Variants in ARFGAP1 observed in about 807,000 individuals in gnomAD.
ARFGAP1 encodes ADP-ribosylation factor GTPase-activating protein 1.
ARFGAP1 carries 26 observed loss-of-function variants against 54.0 expected under a neutral mutation model. The ratio of observed to expected loss-of-function variants is 0.48; its 90% confidence interval spans 0.35 to 0.67. The LOEUF (loss-of-function observed/expected upper bound fraction) is 0.67. ARFGAP1 is among the 30% of genes least tolerant of loss of function. The pLI is 0.00. For synonymous variants in ARFGAP1, 248 were observed against 211.9 expected (o/e 1.17, Z -1.48); for missense variants, 525 against 535.8 (o/e 0.98, Z 0.20).
rs759967442 is a variant in ARFGAP1 at position 63,277,277 on chromosome 20, C to A, written c.415C>A (p.Pro139Thr). The change falls in exon 5 of 13, where the codon CCC becomes ACC. Residue 139 changes from proline (P) to threonine (T), a missense_variant. Transcript: ENST00000370283. ...SPAQNWTPPQPRTLPSMVHRV... is the reference protein window; with the variant it reads ...SPAQNWTPPQTRTLPSMVHRV... The stretch of plus-strand genomic sequence containing the variant: ...TGCCCAGAACTGGACCCCACCTCAG[C>A]CCAGGACGCTGCCGTCCATGGTGCA... 6.2e-6 allele frequency: 10 copies of A among 1,612,914 alleles called. No individual in the cohort carries two copies. Among genetic ancestry groups the A allele is most frequent in the Non-Finnish European group, 5.9e-6 (7 of 1,179,930 alleles).
In ARFGAP1 at chr20:63,276,871, G is replaced by C. The variant is rs1192646618; in HGVS notation, c.342+220G>C. 3.5e-6 allele frequency: 2 copies of C among 574,382 alleles called. No homozygotes were observed. Among genetic ancestry groups the C allele is most frequent in the Admixed American group, 6.3e-5 (2 of 31,580 alleles). The allele number at this position is 574,382 out of a possible 1,614,324, so 35.6% of individuals were successfully genotyped here. On this transcript the variant is annotated intron_variant, in intron 4 of 12. Transcript: ENST00000370283. The surrounding 1 kb of genome is among the most constrained non-coding windows in gnomAD (Gnocchi z 5.2). ...AGACAGACCTTCCCCGCCTCCAGGG[G>C]AGAAAGCAGCTGTGACCGTTTATTG... is the stretch of plus-strand genomic sequence containing the variant.
chr20:63,284,600 ATGG>A, intron 9 of ARFGAP1: 3 of 1,324,532 alleles, frequency 2.3e-6, no homozygotes, highest in Non-Finnish European at 2.9e-6. Flanking sequence ...GCAGGGCCGC[ATGG>A]TGGCGCGTGA....
chr20:63,275,220 A>G (rs2067203314), intron 1 of ARFGAP1, among the ~76,000 whole-genome samples: 1 of 152,170 alleles, frequency 6.6e-6, no homozygotes, highest in Non-Finnish European at 1.5e-5. Context: ...ATCTGTGTGT[A>G]TTTTTAAAGA....
intron 11 of ARFGAP1, chr20:63,286,111 C>G (rs777424534): frequency 2.6e-6 from 4 of 1,550,146 alleles, no homozygotes; most frequent in African/African-American, 1.4e-5. Flanking sequence ...CGCTCCTCCC[C>G]CCCAAGCATG....
At chr20:63,283,657 C>T (rs186439685) in intron 9 of ARFGAP1, 50 of 559,548 alleles carry the variant, frequency 8.9e-5, no homozygotes, top group African/African-American at 1.5e-4. Flanking sequence ...GAGGTGCAGT[C>T]GCTCGCGCAG....
At position 63,276,318 on chromosome 20, in the gene ARFGAP1, G is replaced by A; in HGVS notation, c.170+118G>A. The A allele has an allele frequency of 1.4e-6, 2 of 1,382,646 alleles. No homozygotes were observed. Among genetic ancestry groups the A allele is most frequent in the Non-Finnish European group, 1.0e-6 (1 of 990,148 alleles). 85.6% of individuals were successfully genotyped at this position (1,382,646 alleles called of 1,614,324 possible). A position where few individuals can be genotyped will look rare whatever the true frequency, so the allele number is the denominator to read the frequency against. The stretch of plus-strand genomic sequence containing the variant: ...GGGGCCACCTCCCATTGCATTGCCA[G>A]TGTCCACTCTAGTGACGCCATGGCA... On this transcript the variant is annotated intron_variant, in intron 3 of 12. Transcript: ENST00000370283. This position sits in a 1 kb window ranked among gnomAD's most constrained non-coding sequence, Gnocchi z 5.2.
rs2123317281 is a variant in ARFGAP1, at chr20:63,286,407, CT to C, written c.883del (p.Ser295ArgfsTer30). 6.2e-7 allele frequency: 1 copy of C among 1,613,476 alleles called. No homozygotes were observed. The highest frequency in any genetic ancestry group is 8.5e-7 in the Non-Finnish European group (1 of 1,179,960). On this transcript the variant is annotated frameshift_variant, in exon 12 of 13. Transcript: ENST00000370283. LOFTEE classifies it low-confidence loss of function (END_TRUNC). ...GSKGWRDVTT[F>X]FSGKAEGPLD... ...GTAAGGGATGGCGGGACGTCACCACCTTTTTTTCGGGGAAAGCAGAGGGCCC... is the reference window on the plus strand; with the variant it reads ...GTAAGGGATGGCGGGACGTCACCACCTTTTTTCGGGGAAAGCAGAGGGCCC...
chr20:63,286,172 C>G (rs904861368), intron 11 of ARFGAP1, 194 bp from the exon 12 acceptor site: 2 of 1,549,976 alleles, frequency 1.3e-6, no homozygotes, highest in East Asian at 2.4e-5. Context: ...CTGCCATGTC[C>G]CGCACACACC....
chr20:63,282,690 C>G, intron 8 of ARFGAP1, 129 bp from the exon 9 acceptor site: 1 of 873,618 alleles, frequency 1.1e-6, no homozygotes, highest in Non-Finnish European at 1.9e-6. Flanking sequence ...TTATAGGGCC[C>G]GCCCAGAGCC....
At position 63,287,522 on chromosome 20, in the gene ARFGAP1, G is replaced by C. The variant is rs753986719; in HGVS notation, c.912-42G>C. 14 of 1,527,978 alleles carry C rather than the reference G, an allele frequency of 9.2e-6. No individual in the cohort carries two copies. The African/African-American group carries it at 1.8e-4, about 20-fold the overall frequency. The allele number at this position is 1,527,978 out of a possible 1,614,324, so 94.7% of individuals were successfully genotyped here. On this transcript the variant is annotated intron_variant, in intron 12 of 12. Coordinates refer to ENST00000370283, the MANE Select transcript of ARFGAP1 (RefSeq NM_018209.4). ...GGCACAGAATTCCCAGTGGTGGACT[G>C]AGTAACAGTCATTTAGAGTCCCCCT...
Position 63,284,123 on chromosome 20 carries a change from A to AC in ARFGAP1, c.718-738dup, listed in dbSNP as rs1486762792. 3.0e-6 allele frequency: 4 copies of AC among 1,316,232 alleles called. No individual in the cohort carries two copies. The African/African-American group carries it at 4.6e-5, about 15-fold the overall frequency. 81.5% of individuals were successfully genotyped at this position (1,316,232 alleles called of 1,614,324 possible). A position where few individuals can be genotyped will look rare whatever the true frequency, so the allele number is the denominator to read the frequency against. On this transcript the variant is annotated intron_variant, in intron 9 of 12. Transcript: ENST00000370283. ...CGCTCCCCCCGGGCAAAAAAATGAG[A>AC]CCCCCATCTCCAAAACACACAGACC...
chr20:63,288,214 C>A lies in ARFGAP1; in HGVS notation c.*341C>A. ...GCGTTCCAGCGGCCAGTTCACTACG[C>A]AGTATCTCTGGGGCCTGGGACCAGC... On this transcript the variant is annotated 3_prime_UTR_variant, in exon 13 of 13. Coordinates refer to ENST00000370283, the MANE Select transcript of ARFGAP1 (RefSeq NM_018209.4). 1.8e-6 allele frequency: 1 copy of A among 560,934 alleles called. No homozygotes were observed. The highest frequency in any genetic ancestry group is 3.4e-6 in the Non-Finnish European group (1 of 296,494). The allele number at this position is 560,934 out of a possible 1,614,324, so 34.7% of individuals were successfully genotyped here. A position where few individuals can be genotyped will look rare whatever the true frequency, so the allele number is the denominator to read the frequency against.
intron 5 of ARFGAP1, among the ~76,000 whole-genome samples, chr20:63,277,695 C>T (rs1208993293): frequency 6.6e-6 from 1 of 152,100 alleles, no homozygotes; most frequent in African/African-American, 2.4e-5. Context: ...CCACATCCCA[C>T]TGCAGGAACG....
At chr20:63,287,110 T>C (rs1451867476) in intron 12 of ARFGAP1, among the ~76,000 whole-genome samples, 1 of 152,274 alleles carries the variant, frequency 6.6e-6, no homozygotes, top group East Asian at 1.9e-4. Flanking sequence ...GCAGACGCCA[T>C]GTCCCTTCTC....
At chr20:63,275,539 G>C in intron 1 of ARFGAP1, 38 bp from the exon 2 acceptor site, 1 of 1,598,308 alleles carries the variant, frequency 6.3e-7, no homozygotes. Context: ...AGAGTAGCCT[G>C]TTTGTAAGTT....
At chr20:63,274,229 T>G (rs2067173718) in intron 1 of ARFGAP1, 1 of 140,736 alleles carries the variant, frequency 7.1e-6, no homozygotes, top group Admixed American at 8.5e-5. Context: ...TTCCTAACTT[T>G]GAATAGGTTT....
chr20:63,288,900 A>G lies in ARFGAP1; in HGVS notation c.*1027A>G. The stretch of plus-strand genomic sequence containing the variant: ...CCGAAGCTCGTGCAGTTTGTACGTG[A>G]GGTGCTCTCCTCCCTGCCACCATGC... On this transcript the variant is annotated 3_prime_UTR_variant, in exon 13 of 13. Coordinates refer to ENST00000370283, the MANE Select transcript of ARFGAP1 (RefSeq NM_018209.4). The G allele has an allele frequency of 3.9e-6, 1 of 254,184 alleles. No individual in the cohort carries two copies. The highest frequency in any genetic ancestry group is 4.7e-5 in the South Asian group (1 of 21,136). The allele number at this position is 254,184 out of a possible 1,614,324, so 15.7% of individuals were successfully genotyped here.
chr20:63,286,393 C>A lies in ARFGAP1; in HGVS notation c.862C>A (p.Arg288=). Residue 288 remains arginine (R), a synonymous_variant, in exon 12 of 13, where the codon CGG becomes AGG. Transcript: ENST00000370283. ...KVQGVGSKGW[R]DVTTFFSGKA... ...CCAGGGAGTCGGTAGTAAGGGATGG[C>A]GGGACGTCACCACCTTTTTTTCGGG... 6.2e-7 allele frequency: 1 copy of A among 1,613,480 alleles called. No homozygotes were observed. Among genetic ancestry groups the A allele is most frequent in the Non-Finnish European group, 8.5e-7 (1 of 1,179,992 alleles).
chr20:63,282,954 C>T, intron 9 of ARFGAP1, 103 bp downstream of exon 9: 1 of 1,295,964 alleles, frequency 7.7e-7, no homozygotes, highest in Non-Finnish European at 1.1e-6. Context: ...TCTCAGGCCA[C>T]ATGCTCAGAG....
Sources: allele counts gnomAD v4.1 joint callset (sites outside exome capture counted in the v4.1 genomes callset), GRCh38; gene constraint gnomAD v4.1.1; non-coding constraint Gnocchi (gnomAD v3.1); transcripts MANE v1.5; gene names NCBI Gene and HGNC (gene_info 2026-07-23, HGNC 2026-07-21).